The following IL1RAPL2 variants were observed in gnomAD, a reference collection of about 807,000 sequenced individuals.
IL1RAPL2 encodes interleukin 1 receptor accessory protein like 2.
A neutral mutation model predicts 44.1 loss-of-function variants in IL1RAPL2; 3 were observed. The observed-to-expected ratio is 0.07, with a 90% confidence interval of 0.03 to 0.18. IL1RAPL2 has a LOEUF of 0.18. IL1RAPL2 is among the 10% of genes least tolerant of loss of function. The probability of loss-of-function intolerance (pLI) is 1.00; values close to 1 mark genes in which losing one functional copy is unlikely to be tolerated. For synonymous variants in IL1RAPL2, 181 were observed against 178.8 expected (o/e 1.01, Z -0.10); for missense variants, 391 against 496.4 (o/e 0.79, Z 2.02).
chrX:104,626,010 A>G (rs1213725341), intron 1 of IL1RAPL2, among the ~76,000 whole-genome samples: 1 of 111,330 alleles, frequency 9.0e-6, no homozygotes, highest in Non-Finnish European at 1.9e-5. Context: ...TGGAAGTTAG[A>G]TGATGATAAT....
chrX:105,596,537 A>G (rs767669441), intron 6 of IL1RAPL2, among the ~76,000 whole-genome samples: 1 of 111,941 alleles, frequency 8.9e-6, no homozygotes, highest in Admixed American at 9.5e-5. Context: ...ATACTATTTC[A>G]ATCTTCTTAA....
At position 105,151,531 on chromosome X, in the gene IL1RAPL2, G is replaced by GT. The variant is rs1334909430; in HGVS notation, c.83-43937dup. 3.9e-3 allele frequency among the ~76,000 whole-genome samples: 429 copies of GT among 108,944 alleles called. 3 individuals carry two copies. Among genetic ancestry groups the GT allele is most frequent in the Non-Finnish European group, 6.3e-3 (329 of 52,380 alleles). The allele number at this position is 108,944 out of a possible 115,157, so 94.6% of individuals were successfully genotyped here. A position where few individuals can be genotyped will look rare whatever the true frequency, so the allele number is the denominator to read the frequency against. On this transcript the variant is annotated intron_variant, in intron 2 of 10. Transcript: ENST00000372582. ...TTTTTCTGTTTTTTTTTGTTTTTTC[G>GT]TTTTTTTGGTTTGTTTGTTTTAGTC... is the stretch of plus-strand genomic sequence containing the variant.
At chrX:104,660,866 CAG>C (rs1397528486) in intron 2 of IL1RAPL2, among the ~76,000 whole-genome samples, 1 of 105,953 alleles carries the variant, frequency 9.4e-6, no homozygotes, top group Non-Finnish European at 1.9e-5. Context: ...GCCTGTGAAG[CAG>C]AGGTTGGTGA....
At chrX:105,440,664 C>A (rs1438240542) in intron 5 of IL1RAPL2, among the ~76,000 whole-genome samples, 1 of 112,205 alleles carries the variant, frequency 8.9e-6, no homozygotes, top group Non-Finnish European at 1.9e-5. Flanking sequence ...AGTAATAGGA[C>A]TAAAGAAACA....
intron 6 of IL1RAPL2, among the ~76,000 whole-genome samples, chrX:105,549,697 C>T (rs1446779594): frequency 9.0e-6 from 1 of 111,290 alleles, no homozygotes; most frequent in African/African-American, 3.3e-5. Flanking sequence ...CACTCCTGCT[C>T]CCTCCCACTA....
At chrX:105,272,379 C>A in intron 5 of IL1RAPL2, among the ~76,000 whole-genome samples, 1 of 111,993 alleles carries the variant, frequency 8.9e-6, no homozygotes, top group South Asian at 3.7e-4. Context: ...ATTTGGAAGG[C>A]AATTCACCAT....
intron 2 of IL1RAPL2, among the ~76,000 whole-genome samples, chrX:104,831,917 T>G (rs1013138307): frequency 2.7e-5 from 3 of 112,095 alleles, no homozygotes; most frequent in Non-Finnish European, 3.8e-5. Flanking sequence ...TACATGTAAC[T>G]GAAGCCCGCA....
At position 104,876,718 on chromosome X, in the gene IL1RAPL2, T is replaced by TTTATTA. The variant is rs200283526; in HGVS notation, c.82+217746_82+217751dup. On this transcript the variant is annotated intron_variant, in intron 2 of 10. Coordinates refer to ENST00000372582, the MANE Select transcript of IL1RAPL2 (RefSeq NM_017416.2). The stretch of plus-strand genomic sequence containing the variant: ...TATTTTTTTCTCTGTAACAATTTCT[T>TTTATTA]TTATTATTATTATTATTATTATTAT... 6.0e-3 allele frequency among the ~76,000 whole-genome samples: 556 copies of TTTATTA among 93,390 alleles called. 5 individuals carry two copies. The highest frequency in any genetic ancestry group is 0.021 in the African/African-American group (527 of 25,036). The allele number at this position is 93,390 out of a possible 115,157, so 81.1% of individuals were successfully genotyped here.
At chrX:104,863,033 A>G (rs1922532566) in intron 2 of IL1RAPL2, among the ~76,000 whole-genome samples, 1 of 111,902 alleles carries the variant, frequency 8.9e-6, no homozygotes, top group African/African-American at 3.2e-5. Flanking sequence ...TTCTAAACCA[A>G]TTGAGAAATA....
chrX:104,674,837 T>A (rs1026394977), intron 2 of IL1RAPL2, among the ~76,000 whole-genome samples: 46 of 111,853 alleles, frequency 4.1e-4, no homozygotes, highest in Non-Finnish European at 1.3e-4. Context: ...AGAGTGTATG[T>A]GTCAAGGAAT....
At chrX:105,353,776 T>C (rs1165812537) in intron 5 of IL1RAPL2, among the ~76,000 whole-genome samples, 3 of 111,609 alleles carry the variant, frequency 2.7e-5, no homozygotes, top group Non-Finnish European at 5.6e-5. Context: ...TTTTGCACAT[T>C]GATTTTGTAT....
At chrX:105,098,421 T>G (rs2032630830) in intron 2 of IL1RAPL2, among the ~76,000 whole-genome samples, 1 of 112,085 alleles carries the variant, frequency 8.9e-6, no homozygotes, top group African/African-American at 3.2e-5. Flanking sequence ...GGGACATCAT[T>G]CACTCTGAAA....
At chrX:104,904,322 T>G (rs756911177) in intron 2 of IL1RAPL2, among the ~76,000 whole-genome samples, 4 of 109,977 alleles carry the variant, frequency 3.6e-5, no homozygotes, top group Admixed American at 9.8e-5. Flanking sequence ...ATTATTATAC[T>G]TTAAGTTTTA....
At chrX:105,146,848 C>G (rs757097703) in intron 2 of IL1RAPL2, among the ~76,000 whole-genome samples, 1 of 111,826 alleles carries the variant, frequency 8.9e-6, no homozygotes, top group African/African-American at 3.3e-5. Context: ...AGTCATAAAT[C>G]ATTACATAGA....
intron 2 of IL1RAPL2, among the ~76,000 whole-genome samples, chrX:104,871,007 C>T (rs1464738090): frequency 9.1e-6 from 1 of 110,443 alleles, no homozygotes; most frequent in East Asian, 2.8e-4. Context: ...AAACTTTCCC[C>T]TGAGACTCTG....
Position 104,883,382 on chromosome X carries a change from G to A in IL1RAPL2, c.82+224387G>A, listed in dbSNP as rs1235081921. Among the ~76,000 whole-genome samples, 3 of 111,128 alleles carry A rather than the reference G, an allele frequency of 2.7e-5. No individual in the cohort carries two copies. In the East Asian group the frequency reaches 8.6e-4, roughly 32 times the overall value. Reference sequence around the variant, plus strand: ...CGGAGTTGGGAGCGTTGGTTTGCCTGGAACAAGCTTCTGCTTTTCCTGTAC... The same window carrying A: ...CGGAGTTGGGAGCGTTGGTTTGCCTAGAACAAGCTTCTGCTTTTCCTGTAC... On this transcript the variant is annotated intron_variant, in intron 2 of 10. Coordinates refer to ENST00000372582, the MANE Select transcript of IL1RAPL2 (RefSeq NM_017416.2).
At chrX:105,413,209 G>GT (rs34236842) in intron 5 of IL1RAPL2, among the ~76,000 whole-genome samples, 3 of 111,551 alleles carry the variant, frequency 2.7e-5, no homozygotes, top group Non-Finnish European at 5.6e-5. Context: ...GATAACATGG[G>GT]TTTTTTTCCC....
intron 6 of IL1RAPL2, among the ~76,000 whole-genome samples, chrX:105,649,461 G>A (rs186968902): frequency 8.0e-4 from 90 of 112,205 alleles, no homozygotes; most frequent in African/African-American, 2.8e-3. Context: ...AAAACAGTTA[G>A]TCTATTATGG....
chrX:104,946,397 A>AAAAAAAAAC (rs1925359159), intron 2 of IL1RAPL2, among the ~76,000 whole-genome samples: 1 of 94,480 alleles, frequency 1.1e-5, no homozygotes, highest in African/African-American at 3.8e-5. Context: ...AAAAAAAAAA[A>AAAAAAAAAC]AAAAAAAAAA....
Sources: allele counts gnomAD v4.1 joint callset (sites outside exome capture counted in the v4.1 genomes callset), GRCh38; gene constraint gnomAD v4.1.1; transcripts MANE v1.5; gene names NCBI Gene and HGNC (gene_info 2026-07-23, HGNC 2026-07-21).